The following SLC6A15 variants were observed in gnomAD, a reference collection of about 807,000 sequenced individuals.
SLC6A15 encodes the protein solute carrier family 6 member 15, also known as sodium-dependent neutral amino acid transporter B(0)AT2.
A neutral mutation model predicts 68.5 loss-of-function variants in SLC6A15; 33 were observed. That is an observed-to-expected ratio of 0.48 (90% CI 0.37 to 0.64). The LOEUF (loss-of-function observed/expected upper bound fraction) is 0.64. Among genes scored for constraint, SLC6A15 ranks in the 30% least tolerant of loss-of-function variants. The pLI is 0.00. For missense variants in SLC6A15, 747 were observed against 874.3 expected (o/e 0.85, Z 1.84); for synonymous variants, 347 against 301.0 (o/e 1.15, Z -1.58).
intron 2 of SLC6A15, among the ~76,000 whole-genome samples, chr12:84,886,379 T>C (rs967784317): frequency 2.0e-5 from 3 of 152,110 alleles, no homozygotes; most frequent in African/African-American, 7.2e-5. Flanking sequence ...TTAAAATTCA[T>C]TCTTTTCTGG....
At chr12:84,885,680 G>A (rs1329751276) in intron 3 of SLC6A15, 119 bp from the exon 4 acceptor site, 1 of 1,170,840 alleles carries the variant, frequency 8.5e-7, no homozygotes, top group East Asian at 2.6e-5. Context: ...TTATTTATTT[G>A]GGACACATTA....
At position 84,866,738 on chromosome 12, in the gene SLC6A15, G is replaced by A. The variant is rs532354825; in HGVS notation, c.1655+296C>T. Among the ~76,000 whole-genome samples the A allele has an allele frequency of 1.5e-3, 230 of 152,186 alleles. 1 individual carries two copies. Among genetic ancestry groups the A allele is most frequent in the Non-Finnish European group, 2.8e-3 (191 of 68,004 alleles). On this transcript the variant is annotated intron_variant, in intron 10 of 11. Coordinates refer to ENST00000266682, the MANE Select transcript of SLC6A15 (RefSeq NM_182767.6). ...AATAAAGAACTCAAAAGAAACTAAG[G>A]TTCTTGGAACTCTGCCAATACTTAC... is the stretch of plus-strand genomic sequence containing the variant.
intron 2 of SLC6A15, among the ~76,000 whole-genome samples, chr12:84,887,124 T>C (rs1872145647): frequency 6.6e-6 from 1 of 152,202 alleles, no homozygotes. Context: ...ACCTCTTAGC[T>C]AAACTTCTTA....
rs181367956 is a variant in SLC6A15, at chr12:84,860,382, T to C, written c.*1250A>G. On this transcript the variant is annotated 3_prime_UTR_variant, in exon 12 of 12. Transcript: ENST00000266682. ...AGTCTTTTATACTTTGCAGACAATA[T>C]TGAATCAGCAAGCAGTCAATTGTAC... The C allele has an allele frequency of 6.6e-6, 1 of 152,228 alleles. No homozygotes were observed. Among genetic ancestry groups the C allele is most frequent in the African/African-American group, 2.4e-5 (1 of 41,568 alleles). The allele number at this position is 152,228 out of a possible 1,614,324, so 9.4% of individuals were successfully genotyped here. A position where few individuals can be genotyped will look rare whatever the true frequency, so the allele number is the denominator to read the frequency against.
At chr12:84,911,920 C>G (rs1873485852) in intron 1 of SLC6A15, 1 of 152,042 alleles carries the variant, frequency 6.6e-6, no homozygotes, top group Non-Finnish European at 1.5e-5. Context: ...CCCTTTCGGG[C>G]CATTTATCAC....
chr12:84,903,544 C>T (rs1407785175), intron 1 of SLC6A15, among the ~76,000 whole-genome samples: 4 of 152,144 alleles, frequency 2.6e-5, no homozygotes, highest in East Asian at 1.9e-4. Context: ...AAAATCAAGG[C>T]GTTACCAGGG....
intron 7 of SLC6A15, 101 bp from the exon 8 acceptor site, chr12:84,872,895 C>T: frequency 3.3e-6 from 4 of 1,200,472 alleles, no homozygotes. Context: ...GCAATGTTCC[C>T]AACACAAAGA....
At chr12:84,885,368 G>A in intron 4 of SLC6A15, 67 bp downstream of exon 4, 6 of 1,359,160 alleles carry the variant, frequency 4.4e-6, no homozygotes, top group South Asian at 1.9e-5. Flanking sequence ...AAAAAATCTT[G>A]AAAGCTTGTA....
At chr12:84,903,658 C>A (rs1470020075) in intron 1 of SLC6A15, among the ~76,000 whole-genome samples, 1 of 152,074 alleles carries the variant, frequency 6.6e-6, no homozygotes, top group Non-Finnish European at 1.5e-5. Context: ...ACTCCATTCT[C>A]TGTTTCTGTA....
Position 84,892,166 on chromosome 12 carries a change from ATGGC to A in SLC6A15, c.-50_-47del. 4 of 1,433,968 alleles carry A rather than the reference ATGGC, an allele frequency of 2.8e-6. No homozygotes were observed. The highest frequency in any genetic ancestry group is 2.8e-6 in the Non-Finnish European group (3 of 1,057,548). The allele number at this position is 1,433,968 out of a possible 1,614,324, so 88.8% of individuals were successfully genotyped here. On this transcript the variant is annotated 5_prime_UTR_variant, in exon 2 of 12. Transcript: ENST00000266682. ...TAAAAAAAAAAAAAAAAACTCCCTT[ATGGC>A]AAATGTGTTAACTCTATTTTTCAAA...
At chr12:84,881,943 T>C (rs1871838863) in intron 5 of SLC6A15, 3 of 985,212 alleles carry the variant, frequency 3.0e-6, no homozygotes, top group South Asian at 9.4e-5. Context: ...TCTTCAAATA[T>C]TGCCCAAATA....
In SLC6A15 at chr12:84,870,540, G is replaced by T; in HGVS notation, c.1433C>A (p.Thr478Asn). Reference protein sequence around the residue: ...VNLGLGSMFGTIEGIVTPIVD... With the variant: ...VNLGLGSMFGNIEGIVTPIVD... Reference sequence around the variant, plus strand: ...AATAGGCGTGACAATCCCTTCAATGGTTCCAAACATACTGCCAAGGCCTAG... The same window carrying T: ...AATAGGCGTGACAATCCCTTCAATGTTTCCAAACATACTGCCAAGGCCTAG... The change falls in exon 9 of 12, where the codon ACC becomes AAC. Residue 478 changes from threonine (T) to asparagine (N), a missense_variant. Thr to Asn is a moderately conservative substitution (Grantham distance 65, BLOSUM62 0). Transcript: ENST00000266682. 6.2e-7 allele frequency: 1 copy of T among 1,604,572 alleles called. No homozygotes were observed. The highest frequency in any genetic ancestry group is 2.3e-5 in the East Asian group (1 of 44,054).
intron 2 of SLC6A15, among the ~76,000 whole-genome samples, chr12:84,889,316 C>T (rs928759876): frequency 6.6e-6 from 1 of 151,822 alleles, no homozygotes; most frequent in African/African-American, 2.4e-5. Flanking sequence ...CGGTGAAACC[C>T]TGTCTCTACC....
chr12:84,900,737 A>C (rs1387153316), intron 1 of SLC6A15, among the ~76,000 whole-genome samples: 1 of 151,644 alleles, frequency 6.6e-6, no homozygotes, highest in Non-Finnish European at 1.5e-5. Flanking sequence ...ATGGAGTATC[A>C]CATTCGTTGC....
At chr12:84,888,006 G>A (rs1872197029) in intron 2 of SLC6A15, among the ~76,000 whole-genome samples, 2 of 151,834 alleles carry the variant, frequency 1.3e-5, no homozygotes, top group South Asian at 2.1e-4. Flanking sequence ...CTGGCAGATC[G>A]CTTGAGTTCA....
chr12:84,907,777 C>T (rs2120744249), intron 1 of SLC6A15, among the ~76,000 whole-genome samples: 1 of 152,234 alleles, frequency 6.6e-6, no homozygotes, highest in Non-Finnish European at 1.5e-5. Context: ...TACATTAACC[C>T]TAAACTAGAA....
At chr12:84,898,448 A>G (rs1872722534) in intron 1 of SLC6A15, among the ~76,000 whole-genome samples, 2 of 152,230 alleles carry the variant, frequency 1.3e-5, no homozygotes, top group Admixed American at 1.3e-4. Context: ...ATGTGACATT[A>G]TAAGAATCAA....
Position 84,872,682 on chromosome 12 carries a change from C to A in SLC6A15, c.1222G>T (p.Asp408Tyr), listed in dbSNP as rs1289875776. The A allele has an allele frequency of 1.9e-6, 3 of 1,612,504 alleles. No individual in the cohort carries two copies. Among genetic ancestry groups the A allele is most frequent in the South Asian group, 1.1e-5 (1 of 90,976 alleles). Reference sequence around the variant, plus strand: ...TCTTCTTTCACTTTTTGAATGATGTCATAAACTAAATGATAATCTTCTGCA... The same window carrying A: ...TCTTCTTTCACTTTTTGAATGATGTAATAAACTAAATGATAATCTTCTGCA... ...VTAEDYHLVY[D>Y]IIQKVKEEEF... Residue 408 changes from aspartate (D) to tyrosine (Y), a missense_variant, in exon 8 of 12, where the codon GAC (aspartate) becomes TAC (tyrosine). Asp to Tyr is a radical substitution (Grantham distance 160). Coordinates refer to ENST00000266682, the MANE Select transcript of SLC6A15 (RefSeq NM_182767.6).
chr12:84,901,575 T>A (rs1020834977), intron 1 of SLC6A15, among the ~76,000 whole-genome samples: 1 of 151,868 alleles, frequency 6.6e-6, no homozygotes, highest in Non-Finnish European at 1.5e-5. Context: ...CCTTCAAAAT[T>A]TTCTACCTTC....
Sources: allele counts gnomAD v4.1 joint callset (sites outside exome capture counted in the v4.1 genomes callset), GRCh38; gene constraint gnomAD v4.1.1; transcripts MANE v1.5; gene names NCBI Gene and HGNC (gene_info 2026-07-23, HGNC 2026-07-21).